CSMD1: variants seen among roughly 807,000 people sequenced by gnomAD.
CSMD1 encodes CUB and Sushi multiple domains 1, also known as CUB and sushi domain-containing protein 1.
Under a neutral mutation model 417.5 loss-of-function variants are expected in CSMD1, and 213 were observed. That is an observed-to-expected ratio of 0.51 (90% confidence interval 0.46 to 0.57). CSMD1 has a LOEUF of 0.57. Ranked by LOEUF, CSMD1 falls within the 20% of genes least tolerant of loss-of-function variation. CSMD1 has a pLI of 0.00. For missense variants in CSMD1, 6,923 were observed against 4,529.7 expected, an observed-to-expected ratio of 1.53 and a Z score of -15.17; for synonymous variants, 2,862 against 1,736.8, an observed-to-expected ratio of 1.65 and a Z score of -16.11.
intron 29 of CSMD1, among the ~76,000 whole-genome samples, chr8:3,215,556 G>A (rs1372113462): frequency 6.6e-6 from 1 of 152,160 alleles, no homozygotes; most frequent in Non-Finnish European, 1.5e-5. Flanking sequence ...CCCACTTCTG[G>A]GGCCCCTCAA....
At chr8:4,851,911 A>G (rs922238114) in intron 1 of CSMD1, among the ~76,000 whole-genome samples, 3 of 152,178 alleles carry the variant, frequency 2.0e-5, no homozygotes, top group Non-Finnish European at 4.4e-5. Context: ...CTCATTTGCT[A>G]TCACTCTTCA....
intron 7 of CSMD1, among the ~76,000 whole-genome samples, chr8:3,669,496 T>C (rs1798875314): frequency 1.3e-5 from 2 of 152,164 alleles, no homozygotes; most frequent in African/African-American, 2.4e-5. Context: ...CTCTACTAAA[T>C]ATTGAGAATA....
intron 5 of CSMD1, among the ~76,000 whole-genome samples, chr8:3,922,851 G>C (rs1162592861): frequency 4.6e-5 from 7 of 152,072 alleles, no homozygotes; most frequent in African/African-American, 1.4e-4. Context: ...ATGGCCTTCA[G>C]ATATTGGGAT....
chr8:4,403,015 T>C (rs1804753396), intron 3 of CSMD1, among the ~76,000 whole-genome samples: 1 of 151,822 alleles, frequency 6.6e-6, no homozygotes, highest in Non-Finnish European at 1.5e-5. Flanking sequence ...GTTTTTTTAG[T>C]GGAGACGGGG....
At chr8:3,334,535 A>C (rs761405122) in intron 23 of CSMD1, among the ~76,000 whole-genome samples, 2 of 152,222 alleles carry the variant, frequency 1.3e-5, no homozygotes, top group Non-Finnish European at 2.9e-5. Flanking sequence ...CAATGTGTTA[A>C]TAAAACCAGC....
At chr8:4,053,780 G>C (rs752253816) in intron 3 of CSMD1, among the ~76,000 whole-genome samples, 4 of 152,124 alleles carry the variant, frequency 2.6e-5, no homozygotes, top group African/African-American at 7.2e-5. Context: ...GCTTAGATTA[G>C]AGAATAAACC....
At chr8:4,109,713 A>T (rs1220636112) in intron 3 of CSMD1, among the ~76,000 whole-genome samples, 1 of 152,190 alleles carries the variant, frequency 6.6e-6, no homozygotes, top group Non-Finnish European at 1.5e-5. Flanking sequence ...GATGCTATGA[A>T]AAATCTTAAA....
At chr8:3,616,938 T>C (rs888190002) in intron 7 of CSMD1, 141 bp from the exon 8 acceptor site, 3 of 514,716 alleles carry the variant, frequency 5.8e-6, no homozygotes, top group African/African-American at 3.8e-5. Flanking sequence ...ACACCTTAAA[T>C]ACATTCAAAT....
At chr8:4,859,356 G>T (rs1801992620) in intron 1 of CSMD1, among the ~76,000 whole-genome samples, 2 of 152,134 alleles carry the variant, frequency 1.3e-5, no homozygotes, top group Non-Finnish European at 2.9e-5. Context: ...ATAGGCATGG[G>T]CAAGGACTTC....
chr8:3,451,248 T>C (rs561262819), intron 12 of CSMD1, among the ~76,000 whole-genome samples: 35 of 152,370 alleles, frequency 2.3e-4, no homozygotes, highest in African/African-American at 8.2e-4. Flanking sequence ...GCAAAACATT[T>C]CTGCCACTCT....
intron 5 of CSMD1, among the ~76,000 whole-genome samples, chr8:3,856,071 ATC>A (rs1804289118): frequency 6.6e-6 from 1 of 151,956 alleles, no homozygotes; most frequent in South Asian, 2.1e-4. Flanking sequence ...AATGGTTTGG[ATC>A]TGTGTTCCCA....
chr8:3,519,573 C>G (rs1797417018), intron 10 of CSMD1, among the ~76,000 whole-genome samples: 1 of 152,118 alleles, frequency 6.6e-6, no homozygotes, highest in African/African-American at 2.4e-5. Context: ...CAATGAGTAC[C>G]TTGGTAGAGA....
chr8:4,222,778 G>C (rs1020194147), intron 3 of CSMD1, among the ~76,000 whole-genome samples: 6 of 152,114 alleles, frequency 3.9e-5, no homozygotes. Context: ...AGCTCACCGA[G>C]TCATCATTAA....
chr8:4,174,524 C>T (rs12545959), intron 3 of CSMD1, among the ~76,000 whole-genome samples: 62,679 of 150,200 alleles, frequency 0.42, 13,645 homozygotes, highest in Non-Finnish European at 0.47. Flanking sequence ...AAATGACCCC[C>T]ATGTCCACCC....
intron 3 of CSMD1, among the ~76,000 whole-genome samples, chr8:4,408,009 A>G (rs1041753626): frequency 6.6e-6 from 1 of 152,086 alleles, no homozygotes; most frequent in African/African-American, 2.4e-5. Context: ...GTCCCCACAC[A>G]CCAGCTGTCC....
intron 3 of CSMD1, among the ~76,000 whole-genome samples, chr8:4,172,515 T>G (rs1797822939): frequency 6.6e-6 from 1 of 151,894 alleles, no homozygotes; most frequent in Non-Finnish European, 1.5e-5. Context: ...GGATCAACAA[T>G]ATTCTCTAAC....
intron 3 of CSMD1, among the ~76,000 whole-genome samples, chr8:4,385,099 G>T (rs1195787985): frequency 6.6e-6 from 1 of 152,116 alleles, no homozygotes; most frequent in East Asian, 1.9e-4. Context: ...GCTAATTTTT[G>T]TATTTTTAGA....
chr8:4,423,081 A>C (rs1154041), intron 2 of CSMD1, among the ~76,000 whole-genome samples: 1 of 152,082 alleles, frequency 6.6e-6, no homozygotes, highest in African/African-American at 2.4e-5. Context: ...AAAAGCCTAA[A>C]GATAACATTT....
intron 7 of CSMD1, among the ~76,000 whole-genome samples, chr8:3,662,213 G>A (rs1241228266): frequency 6.6e-6 from 1 of 152,192 alleles, no homozygotes; most frequent in Non-Finnish European, 1.5e-5. Context: ...TTAACAGTGG[G>A]TTTAGGAAAA....
Sources: gnomAD v4.1 joint callset for allele counts (sites outside exome capture counted in the v4.1 genomes callset) on GRCh38, gnomAD v4.1.1 for gene constraint, MANE v1.5 for transcripts, NCBI Gene and HGNC (gene_info 2026-07-23, HGNC 2026-07-21) for gene names.